Variants in CLVS1 observed in about 807,000 individuals in gnomAD.
The protein encoded by CLVS1 is clavesin 1.
A neutral mutation model predicts 33.1 loss-of-function variants in CLVS1; 10 were observed. The ratio of observed to expected loss-of-function variants is 0.30; its 90% CI spans 0.19 to 0.51. The LOEUF is 0.51. CLVS1 is among the 20% of genes least tolerant of loss of function. CLVS1 has a pLI of 0.97. For missense variants in CLVS1, 343 were observed against 433.4 expected, an observed-to-expected ratio of 0.79 and a Z score of 1.85; for synonymous variants, 163 against 166.1, an observed-to-expected ratio of 0.98 and a Z score of 0.14.
chr8:61,198,581 T>C (rs1032462912), intron 2 of CLVS1, among the ~76,000 whole-genome samples: 6 of 152,236 alleles, frequency 3.9e-5, no homozygotes, highest in Non-Finnish European at 5.9e-5. Context: ...TGTTTCACCA[T>C]GTTGGCCAGG....
intron 3 of CLVS1, among the ~76,000 whole-genome samples, chr8:61,400,334 G>C (rs912314092): frequency 6.6e-6 from 1 of 152,116 alleles, no homozygotes; most frequent in African/African-American, 2.4e-5. Flanking sequence ...CTCTCAACTT[G>C]CCTGTTGTTG....
At chr8:61,239,471 G>A (rs4085478) in intron 2 of CLVS1, among the ~76,000 whole-genome samples, 3 of 152,000 alleles carry the variant, frequency 2.0e-5, no homozygotes, top group African/African-American at 4.8e-5. Context: ...GGTGGCTCAC[G>A]CCTGTAATCC....
chr8:61,072,095 G>T (rs1251549602), intron 1 of CLVS1, among the ~76,000 whole-genome samples: 1 of 152,156 alleles, frequency 6.6e-6, no homozygotes, highest in Non-Finnish European at 1.5e-5. Flanking sequence ...AAGTCCCAAA[G>T]CCCAGAGTGA....
At chr8:61,420,550 C>T (rs553889717) in intron 3 of CLVS1, among the ~76,000 whole-genome samples, 37 of 151,964 alleles carry the variant, frequency 2.4e-4, no homozygotes, top group African/African-American at 8.2e-4. Context: ...TGCAGTGAGC[C>T]GAGATCGCAC....
intron 2 of CLVS1, among the ~76,000 whole-genome samples, chr8:61,273,327 T>A (rs541165229): frequency 9.0e-4 from 137 of 152,346 alleles, no homozygotes; most frequent in Middle Eastern, 3.4e-3. Context: ...AGGGACCCAC[T>A]TGAGGAGGCA....
chr8:61,369,556 A>G (rs1203183369), intron 2 of CLVS1, among the ~76,000 whole-genome samples: 1 of 152,226 alleles, frequency 6.6e-6, no homozygotes, highest in Non-Finnish European at 1.5e-5. Context: ...TTGTCCTGCT[A>G]CTATCATCTT....
rs533964846 is a variant in CLVS1 at position 61,425,102 on chromosome 8, C to T, written c.631-29039C>T. ...CCAAGCATTTTGGCTAAGGAATACTCGACCTGTACTACTACTCAAATTTAT... is the reference window on the plus strand; with the variant it reads ...CCAAGCATTTTGGCTAAGGAATACTTGACCTGTACTACTACTCAAATTTAT... On this transcript the variant is annotated intron_variant, in intron 3 of 5. Coordinates refer to ENST00000325897, the MANE Select transcript of CLVS1 (RefSeq NM_173519.3). Among the ~76,000 whole-genome samples, 4 of 152,226 alleles carry T rather than the reference C, an allele frequency of 2.6e-5. No homozygotes were observed. In the South Asian group the frequency reaches 6.2e-4, roughly 24 times the overall value.
At chr8:61,307,740 T>G (rs75762829) in intron 2 of CLVS1, among the ~76,000 whole-genome samples, 2,050 of 152,220 alleles carry the variant, frequency 0.013, 38 homozygotes, top group African/African-American at 0.044. Context: ...TGTTACATGG[T>G]TATATTGTTT....
At chr8:61,196,628 A>T (rs1321059857) in intron 2 of CLVS1, among the ~76,000 whole-genome samples, 2 of 152,210 alleles carry the variant, frequency 1.3e-5, no homozygotes, top group East Asian at 3.8e-4. Flanking sequence ...GATAAGCTTC[A>T]TAAGAGCAGA....
At chr8:61,361,955 G>A (rs1343975433) in intron 2 of CLVS1, among the ~76,000 whole-genome samples, 5 of 152,212 alleles carry the variant, frequency 3.3e-5, no homozygotes, top group Non-Finnish European at 5.9e-5. Context: ...CACAGGCAGA[G>A]TGAGGCTGTT....
the CLVS1 span, among the ~76,000 whole-genome samples, chr8:61,014,502 T>C: frequency 6.6e-6 from 1 of 152,228 alleles, no homozygotes; most frequent in Non-Finnish European, 1.5e-5. Flanking sequence ...AAAATGAATA[T>C]GAAATAGGTG....
intron 2 of CLVS1, among the ~76,000 whole-genome samples, chr8:61,333,857 C>T (rs1811689763): frequency 6.6e-6 from 1 of 152,098 alleles, no homozygotes; most frequent in Admixed American, 6.5e-5. Flanking sequence ...CTCCTCCCAA[C>T]CTCCACCCTC....
At position 61,117,450 on chromosome 8, in the gene CLVS1, A is replaced by C. The variant is rs928705738; in HGVS notation, c.-242-14320A>C. ...AGAGAGGGCATCCCTGTCTTGCGCC[A>C]GTTTTCAAAGGGAATGCTTCCAGTT... is the stretch of plus-strand genomic sequence containing the variant. On this transcript the variant is annotated intron_variant, in intron 1 of 2. Coordinates refer to the CLVS1 transcript ENST00000522621. 1.1e-3 allele frequency among the ~76,000 whole-genome samples: 165 copies of C among 152,016 alleles called. No homozygotes were observed. The Middle Eastern group carries it at 0.014, about 13-fold the overall frequency.
the CLVS1 span, among the ~76,000 whole-genome samples, chr8:61,045,563 A>G: frequency 1.3e-5 from 2 of 152,206 alleles, no homozygotes; most frequent in Non-Finnish European, 1.5e-5. Context: ...CGGCACCCCA[A>G]GTGGATGAGG....
At chr8:61,416,802 T>C (rs1399167762) in intron 3 of CLVS1, among the ~76,000 whole-genome samples, 1 of 152,192 alleles carries the variant, frequency 6.6e-6, no homozygotes, top group Admixed American at 6.5e-5. Context: ...CACTTTTCTT[T>C]GATTATTTAC....
intron 5 of CLVS1, among the ~76,000 whole-genome samples, chr8:61,475,523 G>C (rs1346236312): frequency 6.6e-6 from 1 of 152,184 alleles, no homozygotes; most frequent in Non-Finnish European, 1.5e-5. Context: ...TTGTGGTTTT[G>C]ATTTACATTT....
At chr8:61,492,584 G>A (rs1016400165) in intron 5 of CLVS1, among the ~76,000 whole-genome samples, 1 of 152,042 alleles carries the variant, frequency 6.6e-6, no homozygotes. Context: ...ACTGCATTTT[G>A]GTAGAAATAC....
At chr8:61,249,832 T>C (rs1446363282) in intron 2 of CLVS1, among the ~76,000 whole-genome samples, 1 of 152,232 alleles carries the variant, frequency 6.6e-6, no homozygotes, top group African/African-American at 2.4e-5. Context: ...GTCAGATGTA[T>C]ACATTGCAAA....
At chr8:61,149,775 A>G (rs139429904) in intron 2 of CLVS1, among the ~76,000 whole-genome samples, 171 of 152,256 alleles carry the variant, frequency 1.1e-3, no homozygotes, top group African/African-American at 3.9e-3. Flanking sequence ...ATTTTCAAAG[A>G]GAGTATTGTA....
Sources: gnomAD v4.1 joint callset for allele counts (sites outside exome capture counted in the v4.1 genomes callset) on GRCh38, gnomAD v4.1.1 for gene constraint, MANE v1.5 for transcripts, NCBI Gene and HGNC (gene_info 2026-07-23, HGNC 2026-07-21) for gene names.